Variants in GPRIN1 observed in about 807,000 individuals in gnomAD.
GPRIN1 encodes the protein G protein regulated inducer of neurite outgrowth 1.
A neutral mutation model predicts 2.8 loss-of-function variants in GPRIN1; 4 were observed. The ratio of observed to expected loss-of-function variants is 1.45; its 90% CI spans 0.71 to 3.32. The LOEUF (loss-of-function observed/expected upper bound fraction) is 3.32, where lower values mean the gene tolerates loss of function less well. Among genes scored for constraint, GPRIN1 ranks in the 30% most tolerant of loss-of-function variants. The pLI is 0.01. For synonymous variants in GPRIN1, 589 were observed against 589.9 expected (o/e 1.00, Z 0.02); for missense variants, 1,322 against 1,343.4 (o/e 0.98, Z 0.25).
At position 176,598,826 on chromosome 5, in the gene GPRIN1, C is replaced by T. The variant is rs147081865; in HGVS notation, c.1009G>A (p.Gly337Arg). 16 of 1,613,760 alleles carry T rather than the reference C, an allele frequency of 9.9e-6. No homozygotes were observed. The Admixed American group carries it at 1.3e-4, about 13-fold the overall frequency. Residue 337 changes from glycine to arginine, a missense_variant, in exon 2 of 2, where the codon GGG (glycine) becomes AGG (arginine). Transcript: ENST00000303991. ...AGCCTTCCCAAGGACCCAGGAGCCC[C>T]GGTCCCAGAGGATACAGGCCCATTC... Reference protein sequence around the residue: ...GKNGPVSSGTGAPGSLGRLDP... With the variant: ...GKNGPVSSGTRAPGSLGRLDP...
In GPRIN1 at chr5:176,597,951, C is replaced by T. The variant is rs1480525870; in HGVS notation, c.1884G>A (p.Gly628=). The T allele has an allele frequency of 6.2e-7, 1 of 1,613,932 alleles. No individual in the cohort carries two copies. Among genetic ancestry groups the T allele is most frequent in the African/African-American group, 1.3e-5 (1 of 74,922 alleles). ...TGCCACCAGACTGCGGCTGTGCTTT[C>T]CCCGAGGCCCTGGGATCCGCCTTTG... is the stretch of plus-strand genomic sequence containing the variant. ...TTTKADPRAS[G]KAQPQSGGKA... Residue 628 remains glycine, a synonymous_variant, in exon 2 of 2, where the codon GGG becomes GGA. Coordinates refer to ENST00000303991, the MANE Select transcript of GPRIN1 (RefSeq NM_052899.3). This position sits in a 1 kb window ranked among gnomAD's most constrained non-coding sequence, Gnocchi z 6.1.
rs753667883 is a variant in GPRIN1 at position 176,596,980 on chromosome 5, TGGC to T, written c.2852_2854del (p.Arg951del). 7 of 1,379,790 alleles carry T rather than the reference TGGC, an allele frequency of 5.1e-6. No homozygotes were observed. Among genetic ancestry groups the T allele is most frequent in the Middle Eastern group, 3.9e-4 (2 of 5,138 alleles). The allele number at this position is 1,379,790 out of a possible 1,614,324, so 85.5% of individuals were successfully genotyped here. On this transcript the variant is annotated inframe_deletion, in exon 2 of 2. Transcript: ENST00000303991. The surrounding 1 kb of genome is among the most constrained non-coding windows in gnomAD (Gnocchi z 5.2). The stretch of plus-strand genomic sequence containing the variant: ...GGCGGGCGGCGGCGCGGGCGCCCCT[TGGC>T]GGCCGTGCTCCTCGATCTGTCGCTC...
rs1024072844 is a variant in GPRIN1, at chr5:176,597,841, T to C, written c.1994A>G (p.Gln665Arg). 1.2e-6 allele frequency: 2 copies of C among 1,613,006 alleles called. No homozygotes were observed. The highest frequency in any genetic ancestry group is 2.2e-5 in the South Asian group (2 of 91,032). ...TCCAGGATCCACCTTCTCTGAGGCC[T>C]GTGGTGTCTCCTTTTTCAAACACAC... ...GAVCLKKETP[Q>R]ASEKVDPGSC... The change falls in exon 2 of 2, where the codon CAG becomes CGG. Residue 665 changes from glutamine (Q) to arginine (R), a missense_variant. Transcript: ENST00000303991. This position sits in a 1 kb window ranked among gnomAD's most constrained non-coding sequence, Gnocchi z 6.1.
chr5:176,595,864 A>T lies in GPRIN1; in HGVS notation c.*944T>A. ...GTTTGTAGCCAAAAACTGCGGCTGG[A>T]GGGGTGGGGACGGGACACTGAGTGG... On this transcript the variant is annotated 3_prime_UTR_variant, in exon 2 of 2. Coordinates refer to ENST00000303991, the MANE Select transcript of GPRIN1 (RefSeq NM_052899.3). 3.9e-6 allele frequency: 2 copies of T among 508,166 alleles called. No individual in the cohort carries two copies. Among genetic ancestry groups the T allele is most frequent in the Admixed American group, 4.0e-5 (1 of 25,168 alleles). The allele number at this position is 508,166 out of a possible 1,614,324, so 31.5% of individuals were successfully genotyped here.
rs754953948 is a variant in GPRIN1, at chr5:176,599,246, C to G, written c.589G>C (p.Ala197Pro). 6.2e-6 allele frequency: 10 copies of G among 1,613,690 alleles called. No individual in the cohort carries two copies. In the African/African-American group the frequency reaches 1.2e-4, roughly 19 times the overall value. The stretch of plus-strand genomic sequence containing the variant: ...GTCATGGGATCCATCCTTCCAGGAG[C>G]CACAGGATCCCCCTTTCCCAAGATT... Reference protein sequence around the residue: ...PEILGKGDPVAPGRMDPMTVR... With the variant: ...PEILGKGDPVPPGRMDPMTVR... The change falls in exon 2 of 2, where the codon GCT (alanine) becomes CCT (proline). Residue 197 changes from alanine to proline, a missense_variant. Transcript: ENST00000303991.
intron 1 of GPRIN1, among the ~76,000 whole-genome samples, chr5:176,608,258 G>C (rs1759254868): frequency 1.3e-5 from 2 of 152,074 alleles, no homozygotes; most frequent in Admixed American, 1.3e-4. Context: ...TGGTTTTTGA[G>C]GTCAGGCCAA....
Position 176,597,572 on chromosome 5 carries a change from C to G in GPRIN1, c.2263G>C (p.Val755Leu), listed in dbSNP as rs1403346394. The G allele has an allele frequency of 5.0e-6, 8 of 1,587,922 alleles. No homozygotes were observed. The highest frequency in any genetic ancestry group is 6.8e-6 in the Non-Finnish European group (8 of 1,173,894). ...AGACTGGAGGCCTCGGTGCTGGACA[C>G]GGGCTCGGCCTTCGGCTCCACGCGG... ...EGRVEPKAEP[V>L]SSTEASSLGQ... The change falls in exon 2 of 2, where the codon GTG becomes CTG. Residue 755 changes from valine (V) to leucine (L), a missense_variant. By Grantham distance (32) the Val-to-Leu change is conservative. Coordinates refer to ENST00000303991, the MANE Select transcript of GPRIN1 (RefSeq NM_052899.3). The surrounding 1 kb of genome is among the most constrained non-coding windows in gnomAD (Gnocchi z 6.1).
chr5:176,599,129 CA>C lies in GPRIN1; in HGVS notation c.705del (p.Ser237LeufsTer2), dbSNP rs764606311. On this transcript the variant is annotated frameshift_variant, in exon 2 of 2. Coordinates refer to ENST00000303991, the MANE Select transcript of GPRIN1 (RefSeq NM_052899.3). LOFTEE classifies it low-confidence loss of function (END_TRUNC). The part of the protein sequence containing the change: ...TYTVSPRKED[P>X]GSLRKVDPVS... ...ACAGGATCCACCTTTCTCAAAGACCCAGGATCCTCCTTCCTCGGTGACACTG... is the reference window on the plus strand; with the variant it reads ...ACAGGATCCACCTTTCTCAAAGACCCGGATCCTCCTTCCTCGGTGACACTG... The C allele has an allele frequency of 1.2e-6, 1 of 860,188 alleles. No homozygotes were observed. The highest frequency in any genetic ancestry group is 1.6e-6 in the Non-Finnish European group (1 of 627,102). The allele number at this position is 860,188 out of a possible 1,614,324, so 53.3% of individuals were successfully genotyped here. A position where few individuals can be genotyped will look rare whatever the true frequency, so the allele number is the denominator to read the frequency against.
intron 1 of GPRIN1, among the ~76,000 whole-genome samples, chr5:176,603,110 A>G (rs1267861281): frequency 6.6e-6 from 1 of 152,072 alleles, no homozygotes; most frequent in African/African-American, 2.4e-5. Flanking sequence ...ATAAAGAGAA[A>G]CCTTTAATGA....
intron 1 of GPRIN1, among the ~76,000 whole-genome samples, chr5:176,605,815 C>T (rs1759213630): frequency 6.6e-6 from 1 of 152,044 alleles, no homozygotes. Context: ...GTCTTTAAAA[C>T]AGAGACAGGG....
At chr5:176,604,169 T>C (rs987780661) in intron 1 of GPRIN1, among the ~76,000 whole-genome samples, 3 of 152,186 alleles carry the variant, frequency 2.0e-5, no homozygotes, top group African/African-American at 4.8e-5. Flanking sequence ...AAATAAATCA[T>C]AGTATTTCAA....
chr5:176,598,485 A>G lies in GPRIN1; in HGVS notation c.1350T>C (p.Thr450=), dbSNP rs1759090439. 11 of 1,614,120 alleles carry G rather than the reference A, an allele frequency of 6.8e-6. No individual in the cohort carries two copies. In the East Asian group the frequency reaches 2.5e-4, roughly 36 times the overall value. ...CCGGGTCCTCTTTTCCTGGGGATAC[A>G]GTTCCTGCCTTTCCCACAGACACAC... ...AERVSVGKAG[T]VSPGKEDPVS... The change falls in exon 2 of 2, where the codon ACT becomes ACC. Residue 450 remains threonine, a synonymous_variant. Coordinates refer to ENST00000303991, the MANE Select transcript of GPRIN1 (RefSeq NM_052899.3).
rs1455894342 is a variant in GPRIN1 at position 176,602,445 on chromosome 5, T to C, written c.-43-2568A>G. 6.6e-6 allele frequency among the ~76,000 whole-genome samples: 1 copy of C among 152,130 alleles called. No homozygotes were observed. The highest frequency in any genetic ancestry group is 1.5e-5 in the Non-Finnish European group (1 of 68,016). On this transcript the variant is annotated intron_variant, in intron 1 of 1. Transcript: ENST00000303991. This position sits in a 1 kb window ranked among gnomAD's most constrained non-coding sequence, Gnocchi z 4.4. ...TGTGCTATCTGATATATCCCAGAGT[T>C]GAGACCTGGCACACATGCAGTAAGC...
At position 176,597,385 on chromosome 5, in the gene GPRIN1, C is replaced by T; in HGVS notation, c.2450G>A (p.Gly817Asp). 1 of 1,281,234 alleles carries T rather than the reference C, an allele frequency of 7.8e-7. No individual in the cohort carries two copies. The highest frequency in any genetic ancestry group is 9.8e-7 in the Non-Finnish European group (1 of 1,018,210). The allele number at this position is 1,281,234 out of a possible 1,614,324, so 79.4% of individuals were successfully genotyped here. Residue 817 changes from glycine to aspartate, a missense_variant, in exon 2 of 2, where the codon GGC (glycine) becomes GAC (aspartate). Gly to Asp is a moderately conservative substitution (Grantham distance 94). Transcript: ENST00000303991. This position sits in a 1 kb window ranked among gnomAD's most constrained non-coding sequence, Gnocchi z 6.1. ...GGCCACTGAGACGCAGGCCTGCGCG[C>T]CCGCCTGAGTGCCCGCGTCCTCGCG... ...PPREDAGTQAGAQACVSVAVS... is the reference protein window; with the variant it reads ...PPREDAGTQADAQACVSVAVS...
chr5:176,597,025 G>T lies in GPRIN1; in HGVS notation c.2810C>A (p.Ala937Asp). The T allele has an allele frequency of 1.3e-6, 2 of 1,493,436 alleles. No individual in the cohort carries two copies. The highest frequency in any genetic ancestry group is 8.9e-7 in the Non-Finnish European group (1 of 1,117,958). The allele number at this position is 1,493,436 out of a possible 1,614,324, so 92.5% of individuals were successfully genotyped here. ...CTGTCGCTCCAGATGCTTCTGGATGGCCATGCCCAGCACCTCCACCTCCAT... is the reference window on the plus strand; with the variant it reads ...CTGTCGCTCCAGATGCTTCTGGATGTCCATGCCCAGCACCTCCACCTCCAT... ...AAMEVEVLGM[A>D]IQKHLERQIE... The change falls in exon 2 of 2, where the codon GCC becomes GAC. Residue 937 changes from alanine to aspartate, a missense_variant. By Grantham distance (126) the Ala-to-Asp change is moderately radical. Transcript: ENST00000303991. The surrounding 1 kb of genome is among the most constrained non-coding windows in gnomAD (Gnocchi z 6.1).
At chr5:176,600,204 G>A (rs1170793110) in intron 1 of GPRIN1, among the ~76,000 whole-genome samples, 2 of 152,108 alleles carry the variant, frequency 1.3e-5, no homozygotes, top group African/African-American at 2.4e-5. Context: ...CACCGCAACC[G>A]CAACCTCCGC....
intron 1 of GPRIN1, among the ~76,000 whole-genome samples, chr5:176,600,183 C>T (rs995766679): frequency 6.6e-6 from 1 of 152,164 alleles, no homozygotes. Context: ...TGCAATGGCG[C>T]GATCTCAGCT....
chr5:176,608,980 C>T (rs1759267398), intron 1 of GPRIN1, among the ~76,000 whole-genome samples: 1 of 152,208 alleles, frequency 6.6e-6, no homozygotes, highest in African/African-American at 2.4e-5. Context: ...AAGTCTCCTG[C>T]TCGGGGGTGT....
In GPRIN1 at chr5:176,599,134, T is replaced by C. The variant is rs1561887017; in HGVS notation, c.701A>G (p.Asp234Gly). The C allele has an allele frequency of 1.2e-6, 2 of 1,613,848 alleles. No homozygotes were observed. Among genetic ancestry groups the C allele is most frequent in the Admixed American group, 3.3e-5 (2 of 60,006 alleles). ...KTYTVSPRKE[D>G]PGSLRKVDPV... ...ATCCACCTTTCTCAAAGACCCAGGATCCTCCTTCCTCGGTGACACTGTATA... is the reference window on the plus strand; with the variant it reads ...ATCCACCTTTCTCAAAGACCCAGGACCCTCCTTCCTCGGTGACACTGTATA... Residue 234 changes from aspartate to glycine, a missense_variant, in exon 2 of 2, where the codon GAT becomes GGT. By Grantham distance (94) the Asp-to-Gly change is moderately conservative. This residue lies in a region of GPRIN1 where 1,117 missense variants were observed against 1,128.6 expected (regional missense o/e 0.99). Coordinates refer to ENST00000303991, the MANE Select transcript of GPRIN1 (RefSeq NM_052899.3).
Sources: gnomAD v4.1 joint callset for allele counts (sites outside exome capture counted in the v4.1 genomes callset) on GRCh38, gnomAD v4.1.1 for gene constraint, gnomAD v4.1.1 regional missense constraint, Gnocchi (gnomAD v3.1) non-coding constraint, MANE v1.5 for transcripts, NCBI Gene and HGNC (gene_info 2026-07-23, HGNC 2026-07-21) for gene names.